Variants in XKR4 observed in about 807,000 individuals in gnomAD.
XKR4 encodes XK related 4.
XKR4 carries 12 observed loss-of-function variants against 53.9 expected under a neutral mutation model. The ratio of observed to expected loss-of-function variants is 0.22; its 90% CI spans 0.14 to 0.36. The LOEUF (loss-of-function observed/expected upper bound fraction) is 0.36, where lower values mean the gene tolerates loss of function less well. XKR4 is among the 10% of genes least tolerant of loss of function. The pLI is 1.00. For missense variants in XKR4, 799 were observed against 859.5 expected (o/e 0.93, Z 0.88); for synonymous variants, 354 against 362.4 (o/e 0.98, Z 0.26).
chr8:55,184,836 G>T (rs868084886), intron 1 of XKR4, among the ~76,000 whole-genome samples: 1 of 152,044 alleles, frequency 6.6e-6, no homozygotes, highest in Non-Finnish European at 1.5e-5. Flanking sequence ...TTATTCTCGG[G>T]TGTAGATCTA....
At chr8:55,397,308 A>G (rs1191155792) in intron 2 of XKR4, among the ~76,000 whole-genome samples, 1 of 152,160 alleles carries the variant, frequency 6.6e-6, no homozygotes, top group Non-Finnish European at 1.5e-5. Context: ...TCTTTCCTCT[A>G]TTGTGTAATC....
intron 1 of XKR4, chr8:55,164,126 C>G: frequency 2.2e-6 from 1 of 452,804 alleles, no homozygotes; most frequent in Non-Finnish European, 4.4e-6. Context: ...AGACCACAGC[C>G]CCAGACCAGC....
chr8:55,293,517 A>T (rs2129375767), intron 1 of XKR4, among the ~76,000 whole-genome samples: 1 of 152,298 alleles, frequency 6.6e-6, no homozygotes, highest in Admixed American at 6.5e-5. Context: ...TCTAAATGAC[A>T]TCACATACAT....
chr8:55,296,837 T>C (rs1819108221), intron 1 of XKR4, among the ~76,000 whole-genome samples: 1 of 152,176 alleles, frequency 6.6e-6, no homozygotes, highest in Non-Finnish European at 1.5e-5. Flanking sequence ...AAAACATGTA[T>C]GTGTTTATGA....
At chr8:55,284,753 G>A (rs1488800274) in intron 1 of XKR4, among the ~76,000 whole-genome samples, 11 of 152,116 alleles carry the variant, frequency 7.2e-5, no homozygotes, top group Non-Finnish European at 2.9e-5. Context: ...AGCAAGTCAC[G>A]AGTCCCACCT....
chr8:55,247,858 T>TCTTTCTTTCTTTCTTTCTTTCTTTCTTTC (rs1554572236), intron 1 of XKR4, among the ~76,000 whole-genome samples: 7 of 97,792 alleles, frequency 7.2e-5, no homozygotes, highest in African/African-American at 1.3e-4. Context: ...TTTCTTTCTT[T>TCTTTCTTTCTTTCTTTCTTTCTTTCTTTC]TTTTTTTTTT....
intron 2 of XKR4, among the ~76,000 whole-genome samples, chr8:55,400,724 T>C (rs1804586987): frequency 1.3e-5 from 2 of 152,202 alleles, no homozygotes; most frequent in African/African-American, 4.8e-5. Context: ...AAGTCAGCAA[T>C]GGGCTGCTGA....
intron 1 of XKR4, among the ~76,000 whole-genome samples, chr8:55,131,619 A>G (rs1456616585): frequency 6.6e-6 from 1 of 152,234 alleles, no homozygotes; most frequent in African/African-American, 2.4e-5. Context: ...AGTGGAGTTA[A>G]ATAACTCAGT....
At chr8:55,429,457 C>T (rs1275724976) in intron 2 of XKR4, among the ~76,000 whole-genome samples, 1 of 151,864 alleles carries the variant, frequency 6.6e-6, no homozygotes, top group African/African-American at 2.4e-5. Flanking sequence ...TGCCTGTAAT[C>T]CCAGAACTTT....
chr8:55,507,195 C>T (rs1327565840), intron 2 of XKR4, among the ~76,000 whole-genome samples: 6 of 152,270 alleles, frequency 3.9e-5, no homozygotes, highest in South Asian at 2.1e-4. Context: ...TTGTATTGTA[C>T]TAACCCCAAA....
At chr8:55,422,196 C>T (rs7007363) in intron 2 of XKR4, among the ~76,000 whole-genome samples, 20,943 of 152,148 alleles carry the variant, frequency 0.14, 3,089 homozygotes, top group African/African-American at 0.37. Flanking sequence ...GTAGAATTGG[C>T]AGATATTCAT....
chr8:55,384,959 A>G (rs1186515527), intron 2 of XKR4, among the ~76,000 whole-genome samples: 1 of 152,224 alleles, frequency 6.6e-6, no homozygotes, highest in East Asian at 1.9e-4. Context: ...GAGAATGGCC[A>G]TCGTAACTAG....
At chr8:55,275,174 C>A (rs1321164501) in intron 1 of XKR4, among the ~76,000 whole-genome samples, 1 of 151,962 alleles carries the variant, frequency 6.6e-6, no homozygotes, top group Non-Finnish European at 1.5e-5. Context: ...AAATATTCAT[C>A]ATTTCAAATT....
chr8:55,350,995 C>T (rs1803716247), intron 1 of XKR4, among the ~76,000 whole-genome samples: 1 of 152,058 alleles, frequency 6.6e-6, no homozygotes, highest in Non-Finnish European at 1.5e-5. Context: ...CCCACCTTGG[C>T]CTCCCAAAGT....
At chr8:55,327,350 A>G (rs1803309371) in intron 1 of XKR4, among the ~76,000 whole-genome samples, 1 of 151,186 alleles carries the variant, frequency 6.6e-6, no homozygotes, top group Non-Finnish European at 1.5e-5. Context: ...CTTTGAAGAA[A>G]GCCAAAAAAA....
At chr8:55,500,680 G>A (rs748286276) in intron 2 of XKR4, among the ~76,000 whole-genome samples, 42 of 152,252 alleles carry the variant, frequency 2.8e-4, no homozygotes, top group Admixed American at 4.6e-4. Flanking sequence ...AAGAGAAGAC[G>A]GAAACCAACA....
At chr8:55,450,029 G>A (rs1174234065) in intron 2 of XKR4, 1 of 781,618 alleles carries the variant, frequency 1.3e-6, no homozygotes, top group African/African-American at 1.7e-5. Context: ...GACACTAGGA[G>A]GGAGCTAGGG....
At chr8:55,389,430 A>C (rs2129388443) in intron 2 of XKR4, among the ~76,000 whole-genome samples, 1 of 152,344 alleles carries the variant, frequency 6.6e-6, no homozygotes, top group South Asian at 2.1e-4. Flanking sequence ...TTATAAAACT[A>C]ATATTTTACA....
chr8:55,487,639 T>C (rs28808725), intron 2 of XKR4, among the ~76,000 whole-genome samples: 52,234 of 151,812 alleles, frequency 0.34, 10,879 homozygotes, highest in African/African-American at 0.6. Context: ...GATAACTTTT[T>C]TGTATTTTTA....
Sources: allele counts gnomAD v4.1 joint callset (sites outside exome capture counted in the v4.1 genomes callset), GRCh38; gene constraint gnomAD v4.1.1; transcripts MANE v1.5; gene names NCBI Gene and HGNC (gene_info 2026-07-23, HGNC 2026-07-21).